The following TIAM1 variants were observed in gnomAD, a reference collection of about 807,000 sequenced individuals.
TIAM1 encodes rho guanine nucleotide exchange factor TIAM1.
Under a neutral mutation model 163.5 loss-of-function variants are expected in TIAM1, and 65 were observed. That is an observed-to-expected ratio of 0.40 (90% CI 0.33 to 0.49). The LOEUF (loss-of-function observed/expected upper bound fraction) is 0.49, where lower values mean the gene tolerates loss of function less well. Ranked by LOEUF, TIAM1 falls within the 20% of genes least tolerant of loss-of-function variation. The pLI, the probability that TIAM1 is intolerant of heterozygous loss-of-function variation, is 0.77. For missense variants in TIAM1, 1,789 were observed against 2,044.7 expected, an observed-to-expected ratio of 0.87 and a Z score of 2.41; for synonymous variants, 833 against 810.1, an observed-to-expected ratio of 1.03 and a Z score of -0.48.
At chr21:31,507,770 G>A (rs1437478427) in intron 1 of TIAM1, among the ~76,000 whole-genome samples, 1 of 152,092 alleles carries the variant, frequency 6.6e-6, no homozygotes, top group African/African-American at 2.4e-5. Flanking sequence ...ACTGACGCAG[G>A]CAGCAGTAAC....
intron 2 of TIAM1, among the ~76,000 whole-genome samples, chr21:31,314,348 T>C (rs1045276950): frequency 1.3e-4 from 20 of 152,158 alleles, no homozygotes; most frequent in African/African-American, 4.6e-4. Context: ...TAAATGATGA[T>C]TGGCAGTAGG....
chr21:31,258,269 G>A (rs1030146948), intron 4 of TIAM1, among the ~76,000 whole-genome samples: 1 of 152,154 alleles, frequency 6.6e-6, no homozygotes, highest in Admixed American at 6.5e-5. Flanking sequence ...AATAATTGCT[G>A]AATGAACTCA....
Position 31,164,988 on chromosome 21 carries a change from A to C in TIAM1, c.2965T>G (p.Ser989Ala). 1 of 1,614,178 alleles carries C rather than the reference A, an allele frequency of 6.2e-7. No homozygotes were observed. Among genetic ancestry groups the C allele is most frequent in the Non-Finnish European group, 8.5e-7 (1 of 1,180,042 alleles). The change falls in exon 16 of 28, where the codon TCA becomes GCA. Residue 989 changes from serine to alanine, a missense_variant. Physicochemically the swap from Ser to Ala is moderately conservative, Grantham distance 99. Coordinates refer to ENST00000541036, the MANE Select transcript of TIAM1 (RefSeq NM_001353694.2). ...EETEGPDLES[S>A]DETDHSSKST... The stretch of plus-strand genomic sequence containing the variant: ...TTGCTGCTGTGATCAGTCTCATCTG[A>C]GGATTCCAAGTCTGGCCCCTCGGTC...
intron 5 of TIAM1, among the ~76,000 whole-genome samples, chr21:31,249,733 C>T (rs1176521240): frequency 2.0e-5 from 3 of 152,144 alleles, no homozygotes; most frequent in Non-Finnish European, 4.4e-5. Context: ...AGACATAACC[C>T]TGTAACACCT....
At position 31,311,058 on chromosome 21, in the gene TIAM1, G is replaced by T. The variant is rs559532848; in HGVS notation, c.-189+28185C>A. Among the ~76,000 whole-genome samples, 3 of 152,224 alleles carry T rather than the reference G, an allele frequency of 2.0e-5. No homozygotes were observed. In the East Asian group the frequency reaches 5.8e-4, roughly 29 times the overall value. On this transcript the variant is annotated intron_variant, in intron 2 of 27. Coordinates refer to ENST00000541036, the MANE Select transcript of TIAM1 (RefSeq NM_001353694.2). ...CATTGGCTTGGCAGGACTCTCTCAC[G>T]ATATGTAAATAATGAACTGCCAATA... is the stretch of plus-strand genomic sequence containing the variant.
chr21:31,156,658 G>A (rs2083634337), intron 16 of TIAM1, among the ~76,000 whole-genome samples: 2 of 152,152 alleles, frequency 1.3e-5, no homozygotes, highest in African/African-American at 2.4e-5. Flanking sequence ...AAATCTTCAT[G>A]TGTCTTTTAG....
At chr21:31,500,452 C>CA (rs5843522) in intron 1 of TIAM1, among the ~76,000 whole-genome samples, 152,190 of 152,274 alleles carry the variant, frequency 1, 76,053 homozygotes, top group Middle Eastern at 1. Context: ...GACATCAGGC[C>CA]AGCACACAAG....
chr21:31,540,394 A>G (rs1225865647), intron 1 of TIAM1, among the ~76,000 whole-genome samples: 2 of 152,118 alleles, frequency 1.3e-5, no homozygotes, highest in African/African-American at 2.4e-5. Flanking sequence ...TCAAAAAAAA[A>G]AAAAAAAAGG....
intron 15 of TIAM1, among the ~76,000 whole-genome samples, chr21:31,171,294 C>T (rs185755997): frequency 1.3e-5 from 2 of 151,974 alleles, no homozygotes; most frequent in Non-Finnish European, 2.9e-5. Context: ...TAGAAGACAG[C>T]GTTTATTACT....
intron 15 of TIAM1, among the ~76,000 whole-genome samples, chr21:31,175,895 G>A (rs575683230): frequency 1.9e-3 from 293 of 152,230 alleles, no homozygotes; most frequent in Admixed American, 2.9e-3. Flanking sequence ...CACTGCGCCC[G>A]GCCTATAAAA....
chr21:31,139,072 G>T (rs1290012233), intron 22 of TIAM1, among the ~76,000 whole-genome samples: 1 of 152,186 alleles, frequency 6.6e-6, no homozygotes, highest in African/African-American at 2.4e-5. Flanking sequence ...TCACTGGAAA[G>T]ATTTCTTACA....
rs751938883 is a variant in TIAM1 at position 31,152,691 on chromosome 21, T to A, written c.3311A>T (p.Asp1104Val). Residue 1104 changes from aspartate to valine, a missense_variant, in exon 19 of 28, where the codon GAT becomes GTT. Asp to Val is a radical substitution (Grantham distance 152). Around this residue, in one of 5 missense-constraint regions of TIAM1, gnomAD observed 303 missense variants for 321.3 expected, o/e 0.94. Coordinates refer to ENST00000541036, the MANE Select transcript of TIAM1 (RefSeq NM_001353694.2). ...CAAATCAGGTACCAGTCTCACTCCA[T>A]CTTCTAGAGTTTTAAGGAATTCTAC... ...FQVEFLKTLE[D>V]GVRLVPDLEK... 1 of 1,614,198 alleles carries A rather than the reference T, an allele frequency of 6.2e-7. No homozygotes were observed. Among genetic ancestry groups the A allele is most frequent in the Non-Finnish European group, 8.5e-7 (1 of 1,180,020 alleles).
chr21:31,410,993 A>G lies in TIAM1; in HGVS notation c.-369+52990T>C, dbSNP rs149187623. On this transcript the variant is annotated intron_variant, in intron 2 of 28. Coordinates refer to the TIAM1 transcript ENST00000286827. ...ACATTCCATGTTACATCACGGCCACAAGGCAAGTGGCTCCAAGGGTGAGTG... is the reference window on the plus strand; with the variant it reads ...ACATTCCATGTTACATCACGGCCACGAGGCAAGTGGCTCCAAGGGTGAGTG... Among the ~76,000 whole-genome samples the G allele has an allele frequency of 5.6e-3, 851 of 152,276 alleles. 2 individuals are homozygous for G. The highest frequency in any genetic ancestry group is 7.9e-3 in the Non-Finnish European group (540 of 68,010).
At chr21:31,213,866 C>CCAAAAAAAA (rs71318260) in intron 9 of TIAM1, among the ~76,000 whole-genome samples, 45 of 54,868 alleles carry the variant, frequency 8.2e-4, no homozygotes, top group African/African-American at 2.4e-3. Context: ...CTCATCTCTA[C>CCAAAAAAAA]AAAAAAAAAA....
chr21:31,496,635 G>C (rs555255849), intron 1 of TIAM1, among the ~76,000 whole-genome samples: 2 of 151,982 alleles, frequency 1.3e-5, no homozygotes, highest in Non-Finnish European at 2.9e-5. Flanking sequence ...TATACATTTA[G>C]TGTAGCCTAA....
At chr21:31,205,092 T>C (rs1421335129) in intron 11 of TIAM1, among the ~76,000 whole-genome samples, 1 of 152,240 alleles carries the variant, frequency 6.6e-6, no homozygotes, top group East Asian at 1.9e-4. Context: ...TTTTTAAGTG[T>C]GCTACTTACT....
chr21:31,513,844 C>G (rs1188082159), intron 1 of TIAM1, among the ~76,000 whole-genome samples: 2 of 152,014 alleles, frequency 1.3e-5, no homozygotes, highest in Non-Finnish European at 2.9e-5. Flanking sequence ...CCCATCTCTA[C>G]TAAAAATACA....
At chr21:31,130,850 G>A (rs903704405) in intron 24 of TIAM1, 40 bp downstream of exon 24, 3 of 1,580,042 alleles carry the variant, frequency 1.9e-6, no homozygotes, top group African/African-American at 2.7e-5. Context: ...AGCAGATAGA[G>A]AAATAGTTTC....
At chr21:31,213,168 G>A (rs74949133) in intron 10 of TIAM1, 6,569 of 440,732 alleles carry the variant, frequency 0.015, 212 homozygotes, top group African/African-American at 0.091. Flanking sequence ...CACATCAAAT[G>A]GTAAGTATGG....
Sources: allele counts gnomAD v4.1 joint callset (sites outside exome capture counted in the v4.1 genomes callset), GRCh38; gene constraint gnomAD v4.1.1; regional missense constraint gnomAD v4.1.1; transcripts MANE v1.5; gene names NCBI Gene and HGNC (gene_info 2026-07-23, HGNC 2026-07-21).